POU3F3: variants seen among roughly 807,000 people sequenced by gnomAD.
POU3F3 encodes POU domain, class 3, transcription factor 3.
Under a neutral mutation model 8.6 loss-of-function variants are expected in POU3F3, and 1 was observed. The ratio of observed to expected loss-of-function variants is 0.12; its 90% CI spans 0.04 to 0.55. The LOEUF (loss-of-function observed/expected upper bound fraction) is 0.55, where lower values mean the gene tolerates loss of function less well. Among genes scored for constraint, POU3F3 ranks in the 20% least tolerant of loss-of-function variants. The probability of loss-of-function intolerance (pLI) is 0.91; values close to 1 mark genes in which losing one functional copy is unlikely to be tolerated. For synonymous variants in POU3F3, 418 were observed against 327.4 expected (o/e 1.28, Z -2.99); for missense variants, 577 against 690.7 (o/e 0.84, Z 1.84).
At chr2:104,925,507 G>A in the POU3F3 span, among the ~76,000 whole-genome samples, 2 of 152,102 alleles carry the variant, frequency 1.3e-5, no homozygotes, top group African/African-American at 4.8e-5. Flanking sequence ...GTGGGGAGGA[G>A]GCCACTGGAC....
At chr2:104,875,576 A>T in the POU3F3 span, among the ~76,000 whole-genome samples, 2 of 150,134 alleles carry the variant, frequency 1.3e-5, no homozygotes, top group African/African-American at 2.4e-5. Flanking sequence ...GTTTTGAAAC[A>T]TTTTTTTTTT....
At chr2:104,906,039 G>A in the POU3F3 span, among the ~76,000 whole-genome samples, 5 of 152,112 alleles carry the variant, frequency 3.3e-5, no homozygotes, top group Non-Finnish European at 5.9e-5. Flanking sequence ...TGCTTCATTG[G>A]CATACAAACA....
chr2:104,883,760 A>G, the POU3F3 span, among the ~76,000 whole-genome samples: 1 of 152,178 alleles, frequency 6.6e-6, no homozygotes, highest in Non-Finnish European at 1.5e-5. Context: ...AAATATCATT[A>G]TGGTTCTGAA....
chr2:104,906,663 AT>A, the POU3F3 span, among the ~76,000 whole-genome samples: 4 of 152,144 alleles, frequency 2.6e-5, no homozygotes, highest in Admixed American at 6.5e-5. Flanking sequence ...CCATTATGCG[AT>A]TTTTTTAAGT....
the POU3F3 span, among the ~76,000 whole-genome samples, chr2:104,872,760 C>T: frequency 2.0e-5 from 3 of 152,174 alleles, no homozygotes; most frequent in Non-Finnish European, 4.4e-5. This position sits in a 1 kb window ranked among gnomAD's most constrained non-coding sequence, Gnocchi z 4.6. Context: ...AGAAGGTCTC[C>T]GCGCTGGTTC....
chr2:104,889,509 G>C, the POU3F3 span, among the ~76,000 whole-genome samples: 42 of 152,262 alleles, frequency 2.8e-4, no homozygotes, highest in African/African-American at 9.9e-4. Context: ...CTACCTGGCT[G>C]TCTCAATAGT....
the POU3F3 span, among the ~76,000 whole-genome samples, chr2:104,878,184 C>T: frequency 1.3e-5 from 2 of 152,294 alleles, no homozygotes; most frequent in East Asian, 1.9e-4. Flanking sequence ...GACAGATCAG[C>T]TGTGCTAGCA....
chr2:104,877,280 CTCTCTTT>C, the POU3F3 span, among the ~76,000 whole-genome samples: 3 of 21,276 alleles, frequency 1.4e-4, no homozygotes, highest in East Asian at 0.036. Context: ...GTATAAGCAT[CTCTCTTT>C]CTCTCTTCTC....
At chr2:104,881,114 A>ATTTCTTTC in the POU3F3 span, among the ~76,000 whole-genome samples, 1 of 100,940 alleles carries the variant, frequency 9.9e-6, no homozygotes, top group East Asian at 3.4e-4. Flanking sequence ...TTCTTTCTTT[A>ATTTCTTTC]TTTCTTACTT....
chr2:104,860,907 T>C (rs1386654402), downstream of POU3F3, among the ~76,000 whole-genome samples: 1 of 152,018 alleles, frequency 6.6e-6, no homozygotes, highest in Admixed American at 6.6e-5. Flanking sequence ...CTGTTTTGTA[T>C]GAATGGTTTT....
At chr2:104,861,716 G>C (rs959532288), downstream of POU3F3, among the ~76,000 whole-genome samples, 3 of 152,224 alleles carry the variant, frequency 2.0e-5, no homozygotes, top group Non-Finnish European at 4.4e-5. Flanking sequence ...AGGTGTTGTT[G>C]TCGTTGTTGT....
chr2:104,921,372 G>A, the POU3F3 span, among the ~76,000 whole-genome samples: 1 of 152,206 alleles, frequency 6.6e-6, no homozygotes, highest in Non-Finnish European at 1.5e-5. Flanking sequence ...TGCACTGGCA[G>A]AATCTGTCTA....
In POU3F3 at chr2:104,855,847, GC is replaced by G; in HGVS notation, c.339del (p.Ala114ProfsTer36). The G allele has an allele frequency of 9.2e-7, 1 of 1,087,508 alleles. No individual in the cohort carries two copies. The highest frequency in any genetic ancestry group is 1.1e-6 in the Non-Finnish European group (1 of 900,340). The allele number at this position is 1,087,508 out of a possible 1,614,324, so 67.4% of individuals were successfully genotyped here. On this transcript the variant is annotated frameshift_variant, in exon 1 of 1. Transcript: ENST00000361360. LOFTEE classifies it low-confidence loss of function (END_TRUNC). ...CGCCGCCGCCGCCGCCGCTGCCGCC[GC>G]CGCCGCCGTGGAGGCGAGCTCGCCG... ...HAAAAAAAAA[A>X]AAVEASSPWS...
the POU3F3 span, among the ~76,000 whole-genome samples, chr2:104,918,127 G>A: frequency 1.3e-5 from 2 of 152,102 alleles, no homozygotes; most frequent in African/African-American, 2.4e-5. Flanking sequence ...ATCTCCCTTT[G>A]GAACACACTC....
the POU3F3 span, among the ~76,000 whole-genome samples, chr2:104,885,471 G>A: frequency 1.3e-5 from 2 of 152,186 alleles, no homozygotes; most frequent in African/African-American, 4.8e-5. Context: ...AAAGAAGCCA[G>A]CCCAAACCTG....
At chr2:104,862,469 A>G (rs544375926), downstream of POU3F3, among the ~76,000 whole-genome samples, 673 of 152,200 alleles carry the variant, frequency 4.4e-3, 5 homozygotes, top group African/African-American at 0.015. Context: ...CCTCCGGTGA[A>G]AACCCCGGAT....
At chr2:104,897,433 C>G in the POU3F3 span, among the ~76,000 whole-genome samples, 1 of 152,186 alleles carries the variant, frequency 6.6e-6, no homozygotes, top group East Asian at 1.9e-4. Context: ...CATCCCTTTG[C>G]TCATCCATTT....
the POU3F3 span, among the ~76,000 whole-genome samples, chr2:104,889,909 GT>G: frequency 8.0e-5 from 12 of 150,330 alleles, no homozygotes; most frequent in East Asian, 3.9e-4. Flanking sequence ...TTTCTTGTAA[GT>G]TTTTTTTTTC....
the POU3F3 span, among the ~76,000 whole-genome samples, chr2:104,925,283 T>C: frequency 6.6e-6 from 1 of 152,212 alleles, no homozygotes; most frequent in Non-Finnish European, 1.5e-5. Flanking sequence ...GAGAACACTT[T>C]GTTGATTTGT....
Sources: allele counts gnomAD v4.1 joint callset (sites outside exome capture counted in the v4.1 genomes callset), GRCh38; gene constraint gnomAD v4.1.1; non-coding constraint Gnocchi (gnomAD v3.1); transcripts MANE v1.5; gene names NCBI Gene and HGNC (gene_info 2026-07-23, HGNC 2026-07-21).